SERGEF: variants seen among roughly 807,000 people sequenced by gnomAD.
The protein encoded by SERGEF is secretion regulating guanine nucleotide exchange factor.
SERGEF carries 51 observed loss-of-function variants against 50.0 expected under a neutral mutation model. That is an observed-to-expected ratio of 1.02 (90% CI 0.81 to 1.29). The LOEUF is 1.29. SERGEF is among the 50% of genes most tolerant of loss of function. The probability of loss-of-function intolerance (pLI) is 0.00; values close to 1 mark genes in which losing one functional copy is unlikely to be tolerated. For missense variants in SERGEF, 521 were observed against 557.0 expected, an observed-to-expected ratio of 0.94 and a Z score of 0.65; for synonymous variants, 205 against 212.4, an observed-to-expected ratio of 0.97 and a Z score of 0.30.
At chr11:17,824,364 G>A (rs7935967) in intron 10 of SERGEF, among the ~76,000 whole-genome samples, 50,720 of 151,630 alleles carry the variant, frequency 0.33, 8,685 homozygotes, top group South Asian at 0.46. Flanking sequence ...ATTGCTAGCA[G>A]CCATCTTGGA....
chr11:17,916,396 T>C (rs962634653), intron 9 of SERGEF, among the ~76,000 whole-genome samples: 5 of 152,254 alleles, frequency 3.3e-5, no homozygotes, highest in Admixed American at 1.3e-4. Context: ...GTGTTGGACA[T>C]AGATGAAAGA....
intron 10 of SERGEF, among the ~76,000 whole-genome samples, chr11:17,806,778 C>T (rs1849765499): frequency 2.0e-5 from 3 of 152,116 alleles, no homozygotes; most frequent in African/African-American, 4.8e-5. Flanking sequence ...ATCTGGGTGG[C>T]GTGATGACTT....
At chr11:17,788,762 T>G (rs1247316224) in intron 10 of SERGEF, among the ~76,000 whole-genome samples, 1 of 152,186 alleles carries the variant, frequency 6.6e-6, no homozygotes, top group Non-Finnish European at 1.5e-5. Flanking sequence ...CCCATATTTT[T>G]CCATCTCCTC....
rs977514510 is a variant in SERGEF, at chr11:17,999,273, C to T, written c.508+1224G>A. ...CTGTGGTAATGGAACTGTTCTATATCTTGACTGTATCAATGTTAATATCCT... is the reference window on the plus strand; with the variant it reads ...CTGTGGTAATGGAACTGTTCTATATTTTGACTGTATCAATGTTAATATCCT... On this transcript the variant is annotated intron_variant, in intron 5 of 10. Coordinates refer to ENST00000265965, the MANE Select transcript of SERGEF (RefSeq NM_012139.4). Among the ~76,000 whole-genome samples, 3 of 152,116 alleles carry T rather than the reference C, an allele frequency of 2.0e-5. No individual in the cohort carries two copies. In the East Asian group the frequency reaches 5.8e-4, roughly 29 times the overall value.
At chr11:17,862,190 C>T (rs1033025583) in intron 10 of SERGEF, among the ~76,000 whole-genome samples, 8 of 152,156 alleles carry the variant, frequency 5.3e-5, no homozygotes, top group Admixed American at 5.2e-4. Context: ...CCTGGAATAC[C>T]TTTCTCTTCT....
intron 4 of SERGEF, among the ~76,000 whole-genome samples, chr11:18,001,542 A>C (rs568969255): frequency 1.3e-5 from 2 of 152,264 alleles, no homozygotes; most frequent in East Asian, 3.9e-4. Context: ...AGGTCCACGG[A>C]GATTGCAAGC....
intron 8 of SERGEF, among the ~76,000 whole-genome samples, chr11:17,980,208 C>T (rs755667576): frequency 1.3e-5 from 2 of 152,208 alleles, no homozygotes; most frequent in Non-Finnish European, 2.9e-5. Context: ...TTTGTGACCT[C>T]CAACTCCCCT....
intron 10 of SERGEF, among the ~76,000 whole-genome samples, chr11:17,858,468 G>A (rs1850865433): frequency 6.6e-6 from 1 of 152,058 alleles, no homozygotes; most frequent in Non-Finnish European, 1.5e-5. Context: ...GAAGATTAGG[G>A]GAAAAGTTCA....
At chr11:17,908,767 T>C (rs147013487) in intron 9 of SERGEF, among the ~76,000 whole-genome samples, 76 of 152,006 alleles carry the variant, frequency 5.0e-4, no homozygotes, top group Middle Eastern at 3.4e-3. Context: ...ACAGGACAAA[T>C]GGTGAGAAAT....
chr11:17,978,499 G>C (rs2133987319), intron 8 of SERGEF, among the ~76,000 whole-genome samples: 1 of 152,300 alleles, frequency 6.6e-6, no homozygotes, highest in East Asian at 1.9e-4. Flanking sequence ...CATTGCTTTT[G>C]CTGTGAGTGA....
chr11:17,902,054 T>C (rs1482640661), intron 9 of SERGEF, among the ~76,000 whole-genome samples: 1 of 152,214 alleles, frequency 6.6e-6, no homozygotes, highest in South Asian at 2.1e-4. Context: ...CCCTTTCACA[T>C]AGCAGGGTAC....
chr11:17,902,299 C>G (rs750279533), intron 9 of SERGEF, among the ~76,000 whole-genome samples: 9 of 152,148 alleles, frequency 5.9e-5, no homozygotes, highest in Non-Finnish European at 1.3e-4. Flanking sequence ...GGGAGTCTAT[C>G]ACTCTGCATG....
intron 8 of SERGEF, among the ~76,000 whole-genome samples, chr11:17,966,795 A>C (rs1373113470): frequency 6.6e-6 from 1 of 152,204 alleles, no homozygotes; most frequent in Non-Finnish European, 1.5e-5. Flanking sequence ...CCTAACTAAA[A>C]AGGGGAGAAA....
At chr11:17,890,859 A>G (rs1851519966) in intron 9 of SERGEF, among the ~76,000 whole-genome samples, 1 of 152,218 alleles carries the variant, frequency 6.6e-6, no homozygotes, top group African/African-American at 2.4e-5. Context: ...TGCTCAAAAA[A>G]TGATGGGGGC....
intron 9 of SERGEF, among the ~76,000 whole-genome samples, chr11:17,880,634 C>T (rs1321827731): frequency 3.3e-5 from 5 of 150,656 alleles, no homozygotes. Context: ...GAATTTTATA[C>T]AAAATTTTTA....
intron 6 of SERGEF, among the ~76,000 whole-genome samples, chr11:17,994,819 T>C (rs1295819719): frequency 6.6e-6 from 1 of 151,998 alleles, no homozygotes; most frequent in African/African-American, 2.4e-5. Context: ...TTAGAAAAAT[T>C]AGAATGATCT....
At chr11:17,980,024 G>C (rs1336269065) in intron 8 of SERGEF, among the ~76,000 whole-genome samples, 1 of 152,128 alleles carries the variant, frequency 6.6e-6, no homozygotes, top group Admixed American at 6.5e-5. Flanking sequence ...AATTCACCCT[G>C]AACTCTGAAT....
chr11:17,921,085 T>G (rs1252788728), intron 9 of SERGEF, among the ~76,000 whole-genome samples: 1 of 152,202 alleles, frequency 6.6e-6, no homozygotes, highest in African/African-American at 2.4e-5. Context: ...TACAGTTCAG[T>G]ACATTATCAC....
intron 10 of SERGEF, among the ~76,000 whole-genome samples, chr11:17,870,377 C>T (rs1267263242): frequency 6.6e-6 from 1 of 152,136 alleles, no homozygotes; most frequent in Non-Finnish European, 1.5e-5. Flanking sequence ...GAGTCAGTGT[C>T]AGAGTGATGC....
Sources: allele counts gnomAD v4.1 joint callset (sites outside exome capture counted in the v4.1 genomes callset), GRCh38; gene constraint gnomAD v4.1.1; transcripts MANE v1.5; gene names NCBI Gene and HGNC (gene_info 2026-07-23, HGNC 2026-07-21).